Variants in ANKRD13C observed in about 807,000 individuals in gnomAD.
ANKRD13C encodes ankyrin repeat domain 13C, also known as ankyrin repeat domain-containing protein 13C.
In ANKRD13C, 16 loss-of-function variants were observed where a neutral mutation model predicts 65.5. That is an observed-to-expected ratio of 0.24 (90% confidence interval 0.17 to 0.37). ANKRD13C has a LOEUF of 0.37. Among genes scored for constraint, ANKRD13C ranks in the 10% least tolerant of loss-of-function variants. ANKRD13C has a pLI of 1.00. For synonymous variants in ANKRD13C, 235 were observed against 238.7 expected, an observed-to-expected ratio of 0.98 and a Z score of 0.14; for missense variants, 503 against 655.9, an observed-to-expected ratio of 0.77 and a Z score of 2.55.
intron 1 of ANKRD13C, among the ~76,000 whole-genome samples, chr1:70,350,131 A>G (rs2101642117): frequency 6.6e-6 from 1 of 152,338 alleles, no homozygotes; most frequent in African/African-American, 2.4e-5. Context: ...TGACAGAGTG[A>G]GATTCCATCA....
chr1:70,303,544 T>G (rs1680465477), intron 6 of ANKRD13C, among the ~76,000 whole-genome samples: 1 of 152,206 alleles, frequency 6.6e-6, no homozygotes, highest in African/African-American at 2.4e-5. Flanking sequence ...TCTTAATTAT[T>G]TGTATTTATG....
Position 70,324,878 on chromosome 1 carries a change from G to A in ANKRD13C, c.552C>T (p.Ala184=), listed in dbSNP as rs778274870. Residue 184 remains alanine (A), a synonymous_variant, in exon 3 of 13, where the codon GCC becomes GCT. Transcript: ENST00000370944. ...NAQGWSPLAE[A]ISYGDRQMIT... is the part of the protein sequence containing the mutation. ...TCATCTGCCTATCTCCATAGCTGATGGCTTCCGCCAGAGGGCTCCATCCCT... is the reference window on the plus strand; with the variant it reads ...TCATCTGCCTATCTCCATAGCTGATAGCTTCCGCCAGAGGGCTCCATCCCT... 1.2e-6 allele frequency: 2 copies of A among 1,610,640 alleles called. No individual in the cohort carries two copies. Among genetic ancestry groups the A allele is most frequent in the Middle Eastern group, 1.7e-4 (1 of 6,046 alleles).
intron 3 of ANKRD13C, among the ~76,000 whole-genome samples, chr1:70,316,244 T>C (rs970385174): frequency 6.6e-6 from 1 of 152,206 alleles, no homozygotes; most frequent in African/African-American, 2.4e-5. Flanking sequence ...CTAAAGGTCC[T>C]CCATAGTGTA....
At chr1:70,319,220 TA>T (rs1407897549) in intron 3 of ANKRD13C, among the ~76,000 whole-genome samples, 1 of 152,212 alleles carries the variant, frequency 6.6e-6, no homozygotes, top group African/African-American at 2.4e-5. Context: ...GACTAGCACA[TA>T]AAGCTGATAT....
chr1:70,271,441 C>T (rs1678876538), intron 11 of ANKRD13C, among the ~76,000 whole-genome samples: 1 of 152,112 alleles, frequency 6.6e-6, no homozygotes, highest in African/African-American at 2.4e-5. Flanking sequence ...TAATTTCTTT[C>T]ATCTTTTGGT....
Position 70,325,048 on chromosome 1 carries a change from CATAA to C in ANKRD13C, c.473-95_473-92del, listed in dbSNP as rs1445181969. On this transcript the variant is annotated intron_variant, in intron 2 of 12. Transcript: ENST00000370944. Reference sequence around the variant, plus strand: ...ATAAAAGTTTAATAAACCAAATTAACATAAATAGATGAAATAAACATTGTACCAT... The same window carrying C: ...ATAAAAGTTTAATAAACCAAATTAACATAGATGAAATAAACATTGTACCAT... 1.8e-4 allele frequency: 149 copies of C among 838,710 alleles called. 1 individual carries two copies. The East Asian group carries it at 4.3e-3, about 24-fold the overall frequency. The allele number at this position is 838,710 out of a possible 1,614,324, so 52.0% of individuals were successfully genotyped here.
At chr1:70,343,913 A>T (rs1682418051) in intron 1 of ANKRD13C, among the ~76,000 whole-genome samples, 1 of 152,282 alleles carries the variant, frequency 6.6e-6, no homozygotes, top group African/African-American at 2.4e-5. Context: ...AGTTTGGAAC[A>T]CTGAGGCGGG....
chr1:70,323,394 T>C (rs755424662), intron 3 of ANKRD13C, among the ~76,000 whole-genome samples: 5 of 152,052 alleles, frequency 3.3e-5, no homozygotes, highest in Non-Finnish European at 5.9e-5. Context: ...CCTGTAATCC[T>C]AGCACTTTGG....
At chr1:70,304,637 G>T (rs1356607571) in intron 6 of ANKRD13C, among the ~76,000 whole-genome samples, 3 of 152,090 alleles carry the variant, frequency 2.0e-5, no homozygotes, top group Admixed American at 2.0e-4. Context: ...GGACTCAAGT[G>T]ATCTACCTGC....
intron 9 of ANKRD13C, among the ~76,000 whole-genome samples, chr1:70,281,440 T>C (rs1357390596): frequency 6.9e-6 from 1 of 145,814 alleles, no homozygotes; most frequent in Non-Finnish European, 1.5e-5. Flanking sequence ...TCTTGCTCTG[T>C]CACCTACACT....
chr1:70,285,206 T>G (rs1679565298), intron 9 of ANKRD13C, among the ~76,000 whole-genome samples: 2 of 147,348 alleles, frequency 1.4e-5, no homozygotes, highest in Non-Finnish European at 3.0e-5. Flanking sequence ...TTTTTTTTTT[T>G]TTTTGAGATG....
chr1:70,334,337 T>G (rs1379075227), intron 2 of ANKRD13C, among the ~76,000 whole-genome samples: 2 of 152,078 alleles, frequency 1.3e-5, no homozygotes, highest in Non-Finnish European at 2.9e-5. Context: ...AAAATAAAAA[T>G]TATATTATCC....
intron 12 of ANKRD13C, among the ~76,000 whole-genome samples, chr1:70,270,544 C>G (rs1454752445): frequency 6.6e-6 from 1 of 152,118 alleles, no homozygotes; most frequent in African/African-American, 2.4e-5. Context: ...GAAACTGTTC[C>G]ATCTCAGATC....
intron 3 of ANKRD13C, among the ~76,000 whole-genome samples, chr1:70,318,366 C>T (rs1035831890): frequency 6.6e-6 from 1 of 152,190 alleles, no homozygotes; most frequent in East Asian, 1.9e-4. Flanking sequence ...ACAGTTTGAC[C>T]TAAAGCTTTT....
rs1170887979 is a variant in ANKRD13C at position 70,259,115 on chromosome 1, T to C, written c.*3602A>G. Among the ~76,000 whole-genome samples the C allele has an allele frequency of 1.3e-5, 2 of 152,134 alleles. No individual in the cohort carries two copies. The highest frequency in any genetic ancestry group is 2.4e-5 in the African/African-American group (1 of 41,420). ...ACAATGACAAAATCACCTGATGCAT[T>C]CCACAGAACATGTACCCATCATTAA... is the stretch of plus-strand genomic sequence containing the variant. On this transcript the variant is annotated 3_prime_UTR_variant, in exon 13 of 13. Transcript: ENST00000370944.
chr1:70,349,749 G>A (rs1682669795), intron 1 of ANKRD13C, among the ~76,000 whole-genome samples: 1 of 152,102 alleles, frequency 6.6e-6, no homozygotes, highest in Non-Finnish European at 1.5e-5. Flanking sequence ...TAGCTCTAAA[G>A]TCCTGCGTTG....
At position 70,261,717 on chromosome 1, in the gene ANKRD13C, GA is replaced by G. The variant is rs1309785947; in HGVS notation, c.*999del. The G allele has an allele frequency of 6.6e-6, 1 of 152,336 alleles. No homozygotes were observed. The highest frequency in any genetic ancestry group is 2.1e-4 in the South Asian group (1 of 4,820). The allele number at this position is 152,336 out of a possible 1,614,324, so 9.4% of individuals were successfully genotyped here. On this transcript the variant is annotated 3_prime_UTR_variant, in exon 13 of 13. Transcript: ENST00000370944. ...ATATAAAATGTTTTTATCTTATTTT[GA>G]AAGGATTAAATATGTAGGGTTGTCC...
chr1:70,350,012 G>A (rs965387779), intron 1 of ANKRD13C, among the ~76,000 whole-genome samples: 1 of 152,112 alleles, frequency 6.6e-6, no homozygotes, highest in East Asian at 1.9e-4. Context: ...GTGTGGTGGT[G>A]CATGCCTGTA....
chr1:70,306,105 T>C lies in ANKRD13C; in HGVS notation c.776+119A>G, dbSNP rs1680576905. On this transcript the variant is annotated intron_variant, in intron 6 of 12. Transcript: ENST00000370944. ...TTATGTCTCGAATGAGATAAAATAT[T>C]GTGACTCTGTTACAGCATTTTAACG... The C allele has an allele frequency of 8.9e-6, 5 of 562,118 alleles. No homozygotes were observed. In the East Asian group the frequency reaches 1.7e-4, roughly 19 times the overall value. 34.8% of individuals were successfully genotyped at this position (562,118 alleles called of 1,614,324 possible). A position where few individuals can be genotyped will look rare whatever the true frequency, so the allele number is the denominator to read the frequency against.
Sources: allele counts gnomAD v4.1 joint callset (sites outside exome capture counted in the v4.1 genomes callset), GRCh38; gene constraint gnomAD v4.1.1; transcripts MANE v1.5; gene names NCBI Gene and HGNC (gene_info 2026-07-23, HGNC 2026-07-21).